The following CEP63 variants were observed in gnomAD, a reference collection of about 807,000 sequenced individuals.
CEP63 encodes centrosomal protein 63, also known as centrosomal protein of 63 kDa.
A neutral mutation model predicts 89.1 loss-of-function variants in CEP63; 84 were observed. That is an observed-to-expected ratio of 0.94 (90% confidence interval 0.79 to 1.13). The LOEUF is 1.13. Ranked by LOEUF, CEP63 falls within the 50% of genes most tolerant of loss-of-function variation. The pLI, the probability that CEP63 is intolerant of heterozygous loss-of-function variation, is 0.00. For synonymous variants in CEP63, 267 were observed against 272.5 expected (o/e 0.98, Z 0.20); for missense variants, 838 against 813.3 (o/e 1.03, Z -0.37).
At chr3:134,607,946 G>C in the CEP63 span, 1 of 996,160 alleles carries the variant, frequency 1.0e-6, no homozygotes, top group African/African-American at 1.7e-5. Context: ...CTGTGTCCCC[G>C]CCTCTCCTCT....
chr3:134,513,737 T>C (rs1471354988), intron 3 of CEP63, among the ~76,000 whole-genome samples: 1 of 152,150 alleles, frequency 6.6e-6, no homozygotes, highest in Non-Finnish European at 1.5e-5. Context: ...GGAGTAAGGA[T>C]GGACCAGAAC....
At chr3:134,503,277 G>C (rs1193609139) in intron 2 of CEP63, among the ~76,000 whole-genome samples, 1 of 151,668 alleles carries the variant, frequency 6.6e-6, no homozygotes, top group Non-Finnish European at 1.5e-5. Context: ...CTGACCCAGT[G>C]GTCATTCAGG....
chr3:134,778,327 C>T, the CEP63 span, among the ~76,000 whole-genome samples: 2 of 151,574 alleles, frequency 1.3e-5, no homozygotes, highest in South Asian at 4.2e-4. Context: ...CAACTCCTGA[C>T]CTCAGGTGAT....
At chr3:134,497,456 C>G (rs1267819647) in intron 2 of CEP63, among the ~76,000 whole-genome samples, 1 of 152,146 alleles carries the variant, frequency 6.6e-6, no homozygotes, top group Non-Finnish European at 1.5e-5. Flanking sequence ...ACTGTAGCCT[C>G]AAACTCCTGG....
chr3:134,578,322 G>GTTTTTTTTTTTT (rs71139542), downstream of CEP63, among the ~76,000 whole-genome samples: 19 of 62,106 alleles, frequency 3.1e-4, 2 homozygotes, highest in East Asian at 5.7e-4. Flanking sequence ...TCTGACTTGT[G>GTTTTTTTTTTTT]TTTTTTTTTT....
chr3:134,760,348 C>A, the CEP63 span, among the ~76,000 whole-genome samples: 1 of 152,154 alleles, frequency 6.6e-6, no homozygotes, highest in Non-Finnish European at 1.5e-5. Context: ...CCTGAGCCAC[C>A]GCGCCCGGCC....
At chr3:134,585,708 C>T (rs1958469853) in intron 10 of CEP63, among the ~76,000 whole-genome samples, 1 of 152,116 alleles carries the variant, frequency 6.6e-6, no homozygotes, top group Non-Finnish European at 1.5e-5. Context: ...TCTATTAGGT[C>T]TGCTTGGTGC....
the CEP63 span, among the ~76,000 whole-genome samples, chr3:134,662,685 G>T: frequency 6.6e-6 from 1 of 152,222 alleles, no homozygotes; most frequent in Non-Finnish European, 1.5e-5. Context: ...CAGAGCATCA[G>T]AGTGGAGTTT....
At chr3:134,570,092 A>G (rs1957953940) in intron 11 of CEP63, among the ~76,000 whole-genome samples, 1 of 152,206 alleles carries the variant, frequency 6.6e-6, no homozygotes, top group South Asian at 2.1e-4. Context: ...GGCCTGGCCC[A>G]TGAAACCATT....
At chr3:134,661,814 C>CT in the CEP63 span, among the ~76,000 whole-genome samples, 4 of 151,318 alleles carry the variant, frequency 2.6e-5, no homozygotes, top group Non-Finnish European at 4.4e-5. Flanking sequence ...TGTGCCCCCC[C>CT]CCTCAAATTC....
the CEP63 span, among the ~76,000 whole-genome samples, chr3:134,630,768 G>T: frequency 6.6e-6 from 1 of 152,170 alleles, no homozygotes; most frequent in East Asian, 1.9e-4. Context: ...ACTCAGGAAA[G>T]TCTTAATTTG....
chr3:134,626,224 T>A, the CEP63 span, among the ~76,000 whole-genome samples: 1 of 152,194 alleles, frequency 6.6e-6, no homozygotes, highest in Non-Finnish European at 1.5e-5. Flanking sequence ...AGCCTCCATG[T>A]CGGGAGCCTC....
chr3:134,744,122 T>A, the CEP63 span, among the ~76,000 whole-genome samples: 1 of 152,186 alleles, frequency 6.6e-6, no homozygotes, highest in African/African-American at 2.4e-5. Context: ...TAGAGCCCTA[T>A]CCATAATTGA....
chr3:134,633,173 A>C, the CEP63 span, among the ~76,000 whole-genome samples: 1 of 152,092 alleles, frequency 6.6e-6, no homozygotes, highest in Non-Finnish European at 1.5e-5. Flanking sequence ...AAATTCTAAC[A>C]AACATTTAAA....
chr3:134,716,783 GT>G, the CEP63 span, among the ~76,000 whole-genome samples: 1 of 152,136 alleles, frequency 6.6e-6, no homozygotes, highest in Non-Finnish European at 1.5e-5. Flanking sequence ...CAATAATTTT[GT>G]TTTTCTCTGA....
intron 5 of CEP63, among the ~76,000 whole-genome samples, chr3:134,534,270 C>T (rs960174644): frequency 1.3e-5 from 2 of 152,188 alleles, no homozygotes; most frequent in African/African-American, 4.8e-5. Flanking sequence ...TCTTGGCTTT[C>T]TTTCCTCCAT....
At chr3:134,533,490 T>G (rs1012081948) in intron 5 of CEP63, among the ~76,000 whole-genome samples, 16 of 152,240 alleles carry the variant, frequency 1.1e-4, no homozygotes, top group African/African-American at 2.9e-4. Flanking sequence ...CACTTCCTTC[T>G]CTGCTGACTT....
In CEP63 at chr3:134,558,295, A is replaced by G; in HGVS notation, c.1621A>G (p.Ile541Val). 6.2e-7 allele frequency: 1 copy of G among 1,613,956 alleles called. No individual in the cohort carries two copies. The highest frequency in any genetic ancestry group is 8.5e-7 in the Non-Finnish European group (1 of 1,179,892). Reference protein sequence around the residue: ...TQMCKKQNDRIFKPTHSRTTE... With the variant: ...TQMCKKQNDRVFKPTHSRTTE... ...GATGTGCAAAAAACAAAATGACAGG[A>G]TCTTTAAACCAACACACAGCAGAAC... Residue 541 changes from isoleucine to valine, a missense_variant, in exon 13 of 15, where the codon ATC becomes GTC. Coordinates refer to ENST00000675561, the MANE Select transcript of CEP63 (RefSeq NM_001353108.3).
chr3:134,724,168 C>A, the CEP63 span, among the ~76,000 whole-genome samples: 2 of 152,108 alleles, frequency 1.3e-5, no homozygotes, highest in African/African-American at 4.8e-5. Context: ...ATGGGAGGGA[C>A]CTTAGATGTG....
Sources: gnomAD v4.1 joint callset for allele counts (sites outside exome capture counted in the v4.1 genomes callset) on GRCh38, gnomAD v4.1.1 for gene constraint, MANE v1.5 for transcripts, NCBI Gene and HGNC (gene_info 2026-07-23, HGNC 2026-07-21) for gene names.